The following NAALADL2 variants were observed in gnomAD, a reference collection of about 807,000 sequenced individuals.
NAALADL2 encodes the protein inactive N-acetylated-alpha-linked acidic dipeptidase-like protein 2.
Under a neutral mutation model 87.2 loss-of-function variants are expected in NAALADL2, and 76 were observed. The observed-to-expected ratio is 0.87, with a 90% CI of 0.72 to 1.05. The LOEUF is 1.05. Among genes scored for constraint, NAALADL2 ranks in the 50% least tolerant of loss-of-function variants. The pLI is 0.00. For synonymous variants in NAALADL2, 354 were observed against 331.0 expected (o/e 1.07, Z -0.75); for missense variants, 1,089 against 945.8 (o/e 1.15, Z -1.99).
intron 2 of NAALADL2, among the ~76,000 whole-genome samples, chr3:174,649,694 A>G (rs1724159722): frequency 6.6e-6 from 1 of 152,144 alleles, no homozygotes; most frequent in African/African-American, 2.4e-5. Context: ...AGAAAGAAAT[A>G]TATCATCCCC....
intron 3 of NAALADL2, among the ~76,000 whole-genome samples, chr3:175,251,578 C>T (rs890168874): frequency 6.6e-6 from 1 of 152,062 alleles, no homozygotes; most frequent in African/African-American, 2.4e-5. Flanking sequence ...AACATAGTAC[C>T]CCAACTAGTT....
chr3:174,594,863 A>G (rs779983190), intron 2 of NAALADL2, among the ~76,000 whole-genome samples: 27 of 152,348 alleles, frequency 1.8e-4, no homozygotes, highest in Admixed American at 4.6e-4. Context: ...ACTTATCAAC[A>G]GCTATGCGTT....
intron 1 of NAALADL2, among the ~76,000 whole-genome samples, chr3:174,989,095 A>C (rs1746366178): frequency 1.3e-5 from 2 of 152,172 alleles, no homozygotes; most frequent in Middle Eastern, 3.4e-3. Context: ...CTTTTTAAGA[A>C]CCAGCTCTCA....
At chr3:175,491,790 T>C (rs1374531072) in intron 9 of NAALADL2, among the ~76,000 whole-genome samples, 2 of 152,114 alleles carry the variant, frequency 1.3e-5, no homozygotes, top group Non-Finnish European at 2.9e-5. Flanking sequence ...ACAATCTATC[T>C]CCATCTGTGG....
At chr3:174,678,039 C>T (rs1727204966) in intron 2 of NAALADL2, among the ~76,000 whole-genome samples, 1 of 152,094 alleles carries the variant, frequency 6.6e-6, no homozygotes, top group African/African-American at 2.4e-5. Context: ...TCTGCACATG[C>T]ACACATCTGT....
intron 2 of NAALADL2, among the ~76,000 whole-genome samples, chr3:175,144,910 A>G (rs897607892): frequency 5.3e-5 from 8 of 152,008 alleles, no homozygotes; most frequent in Non-Finnish European, 1.2e-4. Context: ...GGAATCCTGT[A>G]TGTTTTCAAT....
rs144788013 is a variant in NAALADL2 at position 175,403,753 on chromosome 3, C to A, written c.1091-43476C>A. 6.6e-5 allele frequency among the ~76,000 whole-genome samples: 10 copies of A among 152,196 alleles called. No individual in the cohort carries two copies. In the East Asian group the frequency reaches 1.9e-3, roughly 29 times the overall value. ...AATAATTTTTAAGGAACTCATTAGA[C>A]ATCATTGACATTACTTAAGAAACAT... On this transcript the variant is annotated intron_variant, in intron 5 of 13. Transcript: ENST00000454872.
At chr3:175,483,766 C>A (rs1335711283) in intron 9 of NAALADL2, among the ~76,000 whole-genome samples, 1 of 152,066 alleles carries the variant, frequency 6.6e-6, no homozygotes, top group African/African-American at 2.4e-5. Flanking sequence ...GAAAGCAGTG[C>A]AGACATTTCA....
intron 2 of NAALADL2, among the ~76,000 whole-genome samples, chr3:175,151,727 A>C (rs557662164): frequency 6.6e-6 from 1 of 152,322 alleles, no homozygotes; most frequent in Non-Finnish European, 1.5e-5. Context: ...CTTTATGGAA[A>C]TTTAAAAACC....
chr3:175,404,103 A>G (rs1668790416), intron 5 of NAALADL2, among the ~76,000 whole-genome samples: 1 of 152,060 alleles, frequency 6.6e-6, no homozygotes, highest in Admixed American at 6.6e-5. Context: ...CTGAGCCCCA[A>G]GCTGAATTAT....
At chr3:174,601,845 G>T (rs1197566132) in intron 2 of NAALADL2, among the ~76,000 whole-genome samples, 1 of 152,134 alleles carries the variant, frequency 6.6e-6, no homozygotes, top group Non-Finnish European at 1.5e-5. Flanking sequence ...CATGGGTCTA[G>T]TTTCGTTCTT....
intron 1 of NAALADL2, among the ~76,000 whole-genome samples, chr3:174,968,390 G>C (rs1014139434): frequency 6.6e-6 from 1 of 152,078 alleles, no homozygotes; most frequent in Non-Finnish European, 1.5e-5. Flanking sequence ...GGAAGCCAAG[G>C]CTCAAATACA....
intron 11 of NAALADL2, among the ~76,000 whole-genome samples, chr3:175,689,033 G>A (rs777596506): frequency 3.3e-5 from 5 of 152,122 alleles, no homozygotes; most frequent in South Asian, 2.1e-4. Context: ...AACATCACAC[G>A]TAGTTTTTTT....
At chr3:175,310,232 A>G (rs781738445) in intron 4 of NAALADL2, among the ~76,000 whole-genome samples, 45 of 152,202 alleles carry the variant, frequency 3.0e-4, no homozygotes, top group Non-Finnish European at 6.3e-4. Flanking sequence ...AATAATGCCA[A>G]AATAAATGAC....
At chr3:175,440,771 C>T (rs899046288) in intron 5 of NAALADL2, among the ~76,000 whole-genome samples, 2 of 152,084 alleles carry the variant, frequency 1.3e-5, no homozygotes, top group Non-Finnish European at 2.9e-5. Context: ...TTTACCCATT[C>T]TATGAGATTT....
intron 1 of NAALADL2, among the ~76,000 whole-genome samples, chr3:174,466,622 G>A (rs1354203936): frequency 1.3e-5 from 2 of 152,110 alleles, no homozygotes; most frequent in Non-Finnish European, 2.9e-5. Flanking sequence ...GAAAGATGTA[G>A]TATTCCTGTT....
At chr3:175,746,951 C>G (rs577279511) in intron 12 of NAALADL2, among the ~76,000 whole-genome samples, 65 of 152,242 alleles carry the variant, frequency 4.3e-4, no homozygotes, top group African/African-American at 1.4e-3. Flanking sequence ...ATAACCTGGG[C>G]ACATCCTCTA....
At chr3:175,478,779 C>T (rs915395574) in intron 9 of NAALADL2, among the ~76,000 whole-genome samples, 1 of 151,952 alleles carries the variant, frequency 6.6e-6, no homozygotes, top group East Asian at 1.9e-4. Flanking sequence ...TGAATCACTA[C>T]TGTTGGGAGG....
At chr3:175,545,781 A>C (rs145335403) in intron 9 of NAALADL2, among the ~76,000 whole-genome samples, 49 of 152,274 alleles carry the variant, frequency 3.2e-4, no homozygotes, top group African/African-American at 1.2e-3. Flanking sequence ...ACACATCAAA[A>C]TTCTGAAAGA....
Sources: allele counts gnomAD v4.1 joint callset (sites outside exome capture counted in the v4.1 genomes callset), GRCh38; gene constraint gnomAD v4.1.1; transcripts MANE v1.5; gene names NCBI Gene and HGNC (gene_info 2026-07-23, HGNC 2026-07-21).